Variants in PCDH11X observed in about 807,000 individuals in gnomAD.
PCDH11X encodes protocadherin 11 X-linked, also known as protocadherin-11 X-linked.
Under a neutral mutation model 53.3 loss-of-function variants are expected in PCDH11X, and 18 were observed. The observed-to-expected ratio is 0.34, with a 90% CI of 0.23 to 0.50. The LOEUF is 0.50. PCDH11X is among the 20% of genes least tolerant of loss of function. PCDH11X has a pLI of 0.98. For synonymous variants in PCDH11X, 279 were observed against 393.3 expected, an observed-to-expected ratio of 0.71 and a Z score of 3.44; for missense variants, 570 against 1,032.4, an observed-to-expected ratio of 0.55 and a Z score of 6.14.
At chrX:91,869,319 A>C (rs1361623621) in intron 5 of PCDH11X, among the ~76,000 whole-genome samples, 1 of 110,998 alleles carries the variant, frequency 9.0e-6, no homozygotes, top group Non-Finnish European at 1.9e-5. Flanking sequence ...AGTTCTTGCC[A>C]GCATCAAAAG....
intron 8 of PCDH11X, among the ~76,000 whole-genome samples, chrX:92,314,282 C>A (rs2148485224): frequency 9.0e-6 from 1 of 110,931 alleles, no homozygotes; most frequent in Non-Finnish European, 1.9e-5. Context: ...TTCAGCTAGG[C>A]CTACACCCAG....
chrX:92,142,366 G>GCA (rs1476176071), intron 6 of PCDH11X, among the ~76,000 whole-genome samples: 6 of 72,073 alleles, frequency 8.3e-5, no homozygotes, highest in African/African-American at 2.0e-4. Flanking sequence ...GCATGTGCGC[G>GCA]CGCGCACACA....
At chrX:91,951,181 T>C (rs763263673) in intron 6 of PCDH11X, among the ~76,000 whole-genome samples, 1 of 111,155 alleles carries the variant, frequency 9.0e-6, no homozygotes, top group African/African-American at 3.3e-5. Flanking sequence ...AAACAACCTC[T>C]ACCACTAGAG....
chrX:91,867,689 C>T lies in PCDH11X; in HGVS notation c.541-9092C>T, dbSNP rs769298156. ...CTTTCTTTAGCCCCTCTGTGCATGG[C>T]CTCGTATTTTCTGCCCTAAACTTTT... On this transcript the variant is annotated intron_variant, in intron 5 of 10. Coordinates refer to ENST00000682573, the MANE Select transcript of PCDH11X (RefSeq NM_032968.5). 1.4e-4 allele frequency among the ~76,000 whole-genome samples: 15 copies of T among 110,767 alleles called. No individual in the cohort carries two copies. In the South Asian group the frequency reaches 5.4e-3, roughly 40 times the overall value.
intron 6 of PCDH11X, among the ~76,000 whole-genome samples, chrX:91,909,010 C>A (rs899471872): frequency 4.5e-5 from 5 of 111,068 alleles, no homozygotes; most frequent in African/African-American, 1.3e-4. Context: ...ATAAATTATT[C>A]TATTATAAAA....
chrX:92,343,531 A>C (rs5984931), intron 8 of PCDH11X, among the ~76,000 whole-genome samples: 48,860 of 108,027 alleles, frequency 0.45, 8,622 homozygotes, highest in Middle Eastern at 0.52. Flanking sequence ...CACACATAAA[A>C]TGTTTTATAT....
intron 9 of PCDH11X, among the ~76,000 whole-genome samples, chrX:92,403,349 T>G (rs1029274392): frequency 6.2e-5 from 6 of 96,394 alleles, no homozygotes; most frequent in Non-Finnish European, 1.0e-4. Flanking sequence ...GTTTTTTTTT[T>G]TTTTTTTTTT....
chrX:91,783,014 A>C (rs1415698144), intron 1 of PCDH11X, among the ~76,000 whole-genome samples: 1 of 111,821 alleles, frequency 8.9e-6, no homozygotes, highest in Non-Finnish European at 1.9e-5. Flanking sequence ...TTCCAAAGGA[A>C]AAAACCTTCA....
intron 10 of PCDH11X, among the ~76,000 whole-genome samples, chrX:92,570,697 A>G (rs62598737): frequency 0.29 from 28,574 of 99,773 alleles, 3,454 homozygotes; most frequent in Non-Finnish European, 0.32. Context: ...CCAGCATAAT[A>G]TTTTTACCTT....
chrX:92,118,740 T>C (rs891349354), intron 6 of PCDH11X, among the ~76,000 whole-genome samples: 1 of 66,359 alleles, frequency 1.5e-5, no homozygotes, highest in Non-Finnish European at 2.7e-5. Context: ...TCTTTTTTTT[T>C]TTTTTTTTTT....
chrX:92,532,767 G>A (rs1278114990), intron 10 of PCDH11X, among the ~76,000 whole-genome samples: 9 of 110,089 alleles, frequency 8.2e-5, no homozygotes, highest in Non-Finnish European at 3.8e-5. Context: ...ACATAAGACA[G>A]GGCAATTTAC....
chrX:91,983,980 T>C (rs1306731041), intron 6 of PCDH11X, among the ~76,000 whole-genome samples: 2 of 109,527 alleles, frequency 1.8e-5, no homozygotes, highest in African/African-American at 3.3e-5. Context: ...TGGAAAATCA[T>C]CTCAATTTAC....
chrX:91,929,953 C>T (rs1942070141), intron 6 of PCDH11X, among the ~76,000 whole-genome samples: 2 of 110,903 alleles, frequency 1.8e-5, no homozygotes, highest in Admixed American at 1.9e-4. Context: ...GAGTGATTTA[C>T]TTAAAAAGAG....
rs1350499160 is a variant in PCDH11X at position 91,835,595 on chromosome X, C to T, written c.91C>T (p.Arg31Ter). The T allele has an allele frequency of 4.1e-6, 5 of 1,208,805 alleles. No homozygotes were observed. The highest frequency in any genetic ancestry group is 2.2e-5 in the Admixed American group (1 of 45,419). The change falls in exon 5 of 11, where the codon CGA (arginine) becomes TGA (stop). Residue 31 changes from arginine (R) to a stop codon, truncating the protein, a stop_gained. Coordinates refer to ENST00000682573, the MANE Select transcript of PCDH11X (RefSeq NM_032968.5). LOFTEE classifies it high-confidence loss of function. ...CGCCCAGGAGAAAAACTACACCATC[C>T]GAGAAGAAATGCCAGAAAACGTCCT... ...SGAQEKNYTI[R>*]EEMPENVLIG...
At chrX:91,923,690 A>T (rs1305561384) in intron 6 of PCDH11X, among the ~76,000 whole-genome samples, 1 of 106,982 alleles carries the variant, frequency 9.3e-6, no homozygotes, top group Non-Finnish European at 1.9e-5. Context: ...ATGTTTCCTA[A>T]TAAACTTCCC....
chrX:92,176,694 C>T (rs145944565), intron 6 of PCDH11X, among the ~76,000 whole-genome samples: 1,351 of 111,529 alleles, frequency 0.012, 27 homozygotes, highest in African/African-American at 0.042. Context: ...TACCCACATG[C>T]GACATTTAAG....
chrX:92,112,138 A>G (rs1290675738), intron 6 of PCDH11X, among the ~76,000 whole-genome samples: 1 of 109,350 alleles, frequency 9.1e-6, no homozygotes, highest in African/African-American at 3.3e-5. Flanking sequence ...ATCAGCTATA[A>G]GCTATAACCT....
chrX:92,218,890 A>G (rs2066788663), intron 7 of PCDH11X, among the ~76,000 whole-genome samples: 1 of 111,884 alleles, frequency 8.9e-6, no homozygotes, highest in African/African-American at 3.2e-5. Flanking sequence ...GGCTGGTTCA[A>G]TATATGCAAA....
At chrX:92,036,895 G>A (rs2063134113) in intron 6 of PCDH11X, among the ~76,000 whole-genome samples, 1 of 110,661 alleles carries the variant, frequency 9.0e-6, no homozygotes, top group Non-Finnish European at 1.9e-5. Context: ...ATGAAGATGA[G>A]GAACTTATTG....
Sources: allele counts gnomAD v4.1 joint callset (sites outside exome capture counted in the v4.1 genomes callset), GRCh38; gene constraint gnomAD v4.1.1; transcripts MANE v1.5; gene names NCBI Gene and HGNC (gene_info 2026-07-23, HGNC 2026-07-21).